Variants in SUSD4 observed in about 807,000 individuals in gnomAD.
SUSD4 encodes sushi domain containing 4.
In SUSD4, 41 loss-of-function variants were observed where a neutral mutation model predicts 50.5. The observed-to-expected ratio is 0.81, with a 90% confidence interval of 0.63 to 1.05. The LOEUF (loss-of-function observed/expected upper bound fraction) is 1.05, where lower values mean the gene tolerates loss of function less well. Ranked by LOEUF, SUSD4 falls within the 50% of genes least tolerant of loss-of-function variation. SUSD4 has a pLI of 0.00. For missense variants in SUSD4, 580 were observed against 634.7 expected (o/e 0.91, Z 0.93); for synonymous variants, 257 against 257.3 (o/e 1.00, Z 0.01).
intron 2 of SUSD4, among the ~76,000 whole-genome samples, chr1:223,348,494 A>G (rs185197395): frequency 2.0e-5 from 3 of 152,328 alleles, no homozygotes; most frequent in African/African-American, 7.2e-5. Context: ...TGTAGACAGA[A>G]GCCACTTTGT....
intron 5 of SUSD4, among the ~76,000 whole-genome samples, chr1:223,263,349 A>G (rs1267809225): frequency 6.6e-6 from 1 of 152,246 alleles, no homozygotes; most frequent in Non-Finnish European, 1.5e-5. Flanking sequence ...AGTTATTAAT[A>G]TATTTGAATT....
chr1:223,359,593 A>C (rs938100464), intron 2 of SUSD4, among the ~76,000 whole-genome samples: 4 of 152,238 alleles, frequency 2.6e-5, no homozygotes, highest in Admixed American at 2.6e-4. Flanking sequence ...TAATTTGGGA[A>C]TCTTTTTTCT....
Position 223,332,039 on chromosome 1 carries a change from T to C in SUSD4, c.148+31239A>G, listed in dbSNP as rs1425815153. Among the ~76,000 whole-genome samples, 1 of 152,202 alleles carries C rather than the reference T, an allele frequency of 6.6e-6. No individual in the cohort carries two copies. Among genetic ancestry groups the C allele is most frequent in the Non-Finnish European group, 1.5e-5 (1 of 68,028 alleles). ...AATGTGGCATTTCTGGAGGGCTTCC[T>C]TGAACCCGTGCAGAGAAAGCTGAGT... On this transcript the variant is annotated intron_variant, in intron 2 of 8. Coordinates refer to ENST00000366878, the MANE Select transcript of SUSD4 (RefSeq NM_017982.4). This position sits in a 1 kb window ranked among gnomAD's most constrained non-coding sequence, Gnocchi z 4.0.
At chr1:223,303,281 A>G (rs550290444) in intron 2 of SUSD4, among the ~76,000 whole-genome samples, 2 of 152,352 alleles carry the variant, frequency 1.3e-5, no homozygotes, top group East Asian at 3.9e-4. Flanking sequence ...TTTTAAAAAG[A>G]AAAGGGAAAG....
intron 2 of SUSD4, chr1:223,358,823 G>A: frequency 4.4e-6 from 1 of 228,708 alleles, no homozygotes; most frequent in East Asian, 9.7e-5. Flanking sequence ...AGTTAGAGGA[G>A]CTGGGACTTT....
chr1:223,253,639 G>A (rs1451121652), intron 5 of SUSD4, among the ~76,000 whole-genome samples: 1 of 152,120 alleles, frequency 6.6e-6, no homozygotes, highest in East Asian at 1.9e-4. Context: ...AAAGGCCCCT[G>A]AAATGACTGC....
chr1:223,297,394 A>T (rs565602235), intron 2 of SUSD4, among the ~76,000 whole-genome samples: 1 of 152,326 alleles, frequency 6.6e-6, no homozygotes, highest in South Asian at 2.1e-4. Flanking sequence ...ACACAGCAGG[A>T]AGAAAAACAC....
At position 223,294,259 on chromosome 1, in the gene SUSD4, G is replaced by T. The variant is rs1019046088; in HGVS notation, c.149-1608C>A. 7.9e-5 allele frequency among the ~76,000 whole-genome samples: 12 copies of T among 152,172 alleles called. No individual in the cohort carries two copies. The South Asian group carries it at 2.3e-3, about 29-fold the overall frequency. ...CAGCCTGCTGGTGCCAGGACAGGCTGGACACCATCAAGATATGATGGGGAA... is the reference window on the plus strand; with the variant it reads ...CAGCCTGCTGGTGCCAGGACAGGCTTGACACCATCAAGATATGATGGGGAA... On this transcript the variant is annotated intron_variant, in intron 2 of 8. Coordinates refer to ENST00000366878, the MANE Select transcript of SUSD4 (RefSeq NM_017982.4).
intron 7 of SUSD4, among the ~76,000 whole-genome samples, chr1:223,224,544 G>T (rs987867348): frequency 6.6e-6 from 1 of 152,130 alleles, no homozygotes; most frequent in African/African-American, 2.4e-5. Context: ...TCACTACCCC[G>T]TTCAAGCTAC....
At chr1:223,359,415 C>A (rs903909357) in intron 2 of SUSD4, among the ~76,000 whole-genome samples, 2 of 152,220 alleles carry the variant, frequency 1.3e-5, no homozygotes, top group Non-Finnish European at 2.9e-5. Context: ...CACCCTCCCT[C>A]CCCACCATCC....
chr1:223,226,062 G>A (rs564646304), intron 7 of SUSD4, among the ~76,000 whole-genome samples: 1 of 152,288 alleles, frequency 6.6e-6, no homozygotes, highest in African/African-American at 2.4e-5. Context: ...ATATTTAGTG[G>A]ATATCCTGGA....
At chr1:223,345,767 G>A (rs1376020254) in intron 2 of SUSD4, among the ~76,000 whole-genome samples, 1 of 152,122 alleles carries the variant, frequency 6.6e-6, no homozygotes, top group Non-Finnish European at 1.5e-5. Context: ...CATCTCCATT[G>A]CAGTTAATGA....
chr1:223,360,994 T>C (rs1668945784), intron 2 of SUSD4, among the ~76,000 whole-genome samples: 1 of 152,186 alleles, frequency 6.6e-6, no homozygotes, highest in South Asian at 2.1e-4. Flanking sequence ...CTAATCAAAG[T>C]GTGGTCCTTG....
rs1329602583 is a variant in SUSD4, at chr1:223,231,092, C to T, written c.725-1704G>A. Among the ~76,000 whole-genome samples, 2 of 152,044 alleles carry T rather than the reference C, an allele frequency of 1.3e-5. No homozygotes were observed. The highest frequency in any genetic ancestry group is 2.9e-5 in the Non-Finnish European group (2 of 68,000). On this transcript the variant is annotated intron_variant, in intron 5 of 8. Transcript: ENST00000366878. This position sits in a 1 kb window ranked among gnomAD's most constrained non-coding sequence, Gnocchi z 4.2. ...ATGAAGGGGTCTCGTTGCTGGGGTC[C>T]CTAGTGGAAGGTGGAACCATGGAGG...
chr1:223,248,471 C>T (rs779228575), intron 5 of SUSD4, among the ~76,000 whole-genome samples: 1 of 152,206 alleles, frequency 6.6e-6, no homozygotes, highest in Non-Finnish European at 1.5e-5. Flanking sequence ...GGAAGTTGCA[C>T]GGAACCCTCT....
rs773626082 is a variant in SUSD4 at position 223,363,282 on chromosome 1, C to A, written c.144G>T (p.Thr48=). 2 of 1,597,274 alleles carry A rather than the reference C, an allele frequency of 1.3e-6. No homozygotes were observed. Among genetic ancestry groups the A allele is most frequent in the Non-Finnish European group, 1.7e-6 (2 of 1,171,266 alleles). The change falls in exon 2 of 9, where the codon ACG becomes ACT. Residue 48 remains threonine (T), a synonymous_variant. Transcript: ENST00000366878. ...CACCACAGCTGGGTCACTCACCGCC[C>A]GTGAGCTGTGCAGGGCCGAAGCACA... ...LALCFGPAQL[T]GGFDDLQVCA...
chr1:223,244,219 A>T (rs1452787555), intron 5 of SUSD4, among the ~76,000 whole-genome samples: 1 of 152,222 alleles, frequency 6.6e-6, no homozygotes, highest in East Asian at 1.9e-4. Flanking sequence ...GCACAGTAAG[A>T]TCCAAAGCAT....
At chr1:223,248,850 A>G (rs996502474) in intron 5 of SUSD4, among the ~76,000 whole-genome samples, 2 of 145,374 alleles carry the variant, frequency 1.4e-5, no homozygotes, top group Non-Finnish European at 3.0e-5. Flanking sequence ...AACTTCACTG[A>G]AAAAAAAAAA....
chr1:223,341,704 C>T (rs1399650050), intron 2 of SUSD4, among the ~76,000 whole-genome samples: 1 of 152,188 alleles, frequency 6.6e-6, no homozygotes, highest in Non-Finnish European at 1.5e-5. Flanking sequence ...CACGCAGCTA[C>T]AACCACAGGG....
Sources: gnomAD v4.1 joint callset for allele counts (sites outside exome capture counted in the v4.1 genomes callset) on GRCh38, gnomAD v4.1.1 for gene constraint, Gnocchi (gnomAD v3.1) non-coding constraint, MANE v1.5 for transcripts, NCBI Gene and HGNC (gene_info 2026-07-23, HGNC 2026-07-21) for gene names.